ATG10: variants seen among roughly 807,000 people sequenced by gnomAD.
The protein encoded by ATG10 is autophagy related 10.
A neutral mutation model predicts 32.1 loss-of-function variants in ATG10; 30 were observed. That is an observed-to-expected ratio of 0.94 (90% CI 0.70 to 1.27). ATG10 has a LOEUF of 1.27. ATG10 is among the 50% of genes most tolerant of loss of function. The pLI is 0.00. For missense variants in ATG10, 233 were observed against 262.3 expected, an observed-to-expected ratio of 0.89 and a Z score of 0.77; for synonymous variants, 87 against 91.5, an observed-to-expected ratio of 0.95 and a Z score of 0.28.
chr5:82,050,345 C>A (rs929934849), intron 2 of ATG10, among the ~76,000 whole-genome samples: 1 of 152,018 alleles, frequency 6.6e-6, no homozygotes, highest in Non-Finnish European at 1.5e-5. Flanking sequence ...TGGACAATAA[C>A]TATTGATTCC....
chr5:82,061,157 CAGA>C (rs1192414793), intron 3 of ATG10, among the ~76,000 whole-genome samples: 1 of 152,078 alleles, frequency 6.6e-6, no homozygotes, highest in Non-Finnish European at 1.5e-5. Context: ...CAGGTAAGAG[CAGA>C]AGATTTTAAC....
At chr5:82,177,371 G>C (rs527981576) in intron 4 of ATG10, among the ~76,000 whole-genome samples, 29 of 152,078 alleles carry the variant, frequency 1.9e-4, no homozygotes, top group Admixed American at 1.9e-3. Context: ...TTAATACAGT[G>C]ATTTTTGGAG....
At chr5:82,225,648 A>G (rs1399391175) in intron 5 of ATG10, among the ~76,000 whole-genome samples, 1 of 152,152 alleles carries the variant, frequency 6.6e-6, no homozygotes, top group Non-Finnish European at 1.5e-5. Flanking sequence ...GCCTTAACCG[A>G]TGCCAAAGCC....
In ATG10 at chr5:82,196,610, T is replaced by A. The variant is rs561304710; in HGVS notation, c.453+18023T>A. The stretch of plus-strand genomic sequence containing the variant: ...TCATTCTTTTGCATGTACTAATAAA[T>A]ATCCAGTAGTCTCTGAACCATTATT... On this transcript the variant is annotated intron_variant, in intron 5 of 7. Transcript: ENST00000282185. 9.8e-5 allele frequency among the ~76,000 whole-genome samples: 15 copies of A among 152,320 alleles called. No homozygotes were observed. The East Asian group carries it at 1.5e-3, about 16-fold the overall frequency.
At chr5:82,239,366 A>C (rs1746694744) in intron 5 of ATG10, among the ~76,000 whole-genome samples, 1 of 152,226 alleles carries the variant, frequency 6.6e-6, no homozygotes, top group Non-Finnish European at 1.5e-5. Flanking sequence ...GAAAGGCACT[A>C]ACCTGGATGC....
intron 4 of ATG10, among the ~76,000 whole-genome samples, chr5:82,172,866 A>G (rs1252437850): frequency 6.6e-6 from 1 of 152,256 alleles, no homozygotes; most frequent in East Asian, 1.9e-4. Flanking sequence ...CCAGTATAGT[A>G]GCTGAAATGA....
intron 1 of ATG10, chr5:81,973,021 G>GT (rs2149647262): frequency 6.6e-6 from 1 of 152,330 alleles, no homozygotes; most frequent in South Asian, 2.1e-4. Context: ...AGGCTTTGTA[G>GT]TTAACATCTT....
At chr5:82,138,643 A>G (rs917142656) in intron 3 of ATG10, among the ~76,000 whole-genome samples, 2 of 152,196 alleles carry the variant, frequency 1.3e-5, no homozygotes, top group African/African-American at 4.8e-5. Context: ...TGCTGGGAGC[A>G]GCAGACTGGA....
In ATG10 at chr5:82,146,617, T is replaced by G. The variant is rs367580946; in HGVS notation, c.217-17782T>G. On this transcript the variant is annotated intron_variant, in intron 3 of 7. Transcript: ENST00000282185. ...ATACTTTGTTCATTTTCTTTTGTTT[T>G]TTTTTTTTCTTATCTTCAGATTGGA... 3.2e-4 allele frequency among the ~76,000 whole-genome samples: 49 copies of G among 151,886 alleles called. No individual in the cohort carries two copies. In the East Asian group the frequency reaches 6.7e-3, roughly 21 times the overall value.
At chr5:82,087,833 AT>A (rs1764743215) in intron 3 of ATG10, among the ~76,000 whole-genome samples, 1 of 152,160 alleles carries the variant, frequency 6.6e-6, no homozygotes, top group South Asian at 2.1e-4. Flanking sequence ...ATCATTATAA[AT>A]AAAGAGGGCA....
At chr5:82,050,599 A>G (rs1222977204) in intron 2 of ATG10, among the ~76,000 whole-genome samples, 3 of 151,964 alleles carry the variant, frequency 2.0e-5, no homozygotes, top group South Asian at 2.1e-4. Context: ...AGTAAGTAGT[A>G]TAATAGGGGG....
At chr5:82,100,000 G>GTTTTTTTTTTTTTT (rs869311526) in intron 3 of ATG10, among the ~76,000 whole-genome samples, 1 of 58,956 alleles carries the variant, frequency 1.7e-5, no homozygotes, top group Non-Finnish European at 3.1e-5. Context: ...CTTTTTCTGT[G>GTTTTTTTTTTTTTT]TTTTTTTTTT....
At chr5:82,035,610 T>C (rs1261212502) in intron 2 of ATG10, among the ~76,000 whole-genome samples, 1 of 152,022 alleles carries the variant, frequency 6.6e-6, no homozygotes, top group Admixed American at 6.6e-5. Context: ...ATTTTCCTTA[T>C]TAATACTAAT....
At chr5:82,027,668 T>C (rs564238101) in intron 2 of ATG10, among the ~76,000 whole-genome samples, 1 of 152,348 alleles carries the variant, frequency 6.6e-6, no homozygotes, top group South Asian at 2.1e-4. Flanking sequence ...TTTACAGATA[T>C]TGTTCTTACT....
At chr5:82,192,977 GAGAGACCTTCAGCTTT>G (rs1188676280) in intron 5 of ATG10, among the ~76,000 whole-genome samples, 3 of 152,126 alleles carry the variant, frequency 2.0e-5, no homozygotes, top group African/African-American at 7.2e-5. Flanking sequence ...TCTTTCTCAG[GAGAGACCTTCAGCTTT>G]AGATGATTAG....
chr5:82,088,947 T>C, intron 3 of ATG10, among the ~76,000 whole-genome samples: 1 of 152,278 alleles, frequency 6.6e-6, no homozygotes, highest in Non-Finnish European at 1.5e-5. Flanking sequence ...AAAATTTATA[T>C]GAAAAGGCAA....
intron 5 of ATG10, among the ~76,000 whole-genome samples, chr5:82,188,010 C>T (rs931118866): frequency 6.6e-6 from 1 of 152,176 alleles, no homozygotes; most frequent in Non-Finnish European, 1.5e-5. Context: ...CCAGCTTTTA[C>T]TTTCTAAAAT....
intron 1 of ATG10, among the ~76,000 whole-genome samples, chr5:81,978,030 CTG>C (rs1414144029): frequency 6.6e-6 from 1 of 152,124 alleles, no homozygotes; most frequent in Non-Finnish European, 1.5e-5. Flanking sequence ...GCTCTGTAAT[CTG>C]TATTCAGACT....
intron 3 of ATG10, among the ~76,000 whole-genome samples, chr5:82,138,988 G>C (rs948787207): frequency 6.6e-5 from 10 of 150,618 alleles, no homozygotes; most frequent in South Asian, 2.1e-4. Flanking sequence ...AAATGCCTGC[G>C]ATCGCAGGCA....
Sources: gnomAD v4.1 joint callset for allele counts (sites outside exome capture counted in the v4.1 genomes callset) on GRCh38, gnomAD v4.1.1 for gene constraint, MANE v1.5 for transcripts, NCBI Gene and HGNC (gene_info 2026-07-23, HGNC 2026-07-21) for gene names.